Variants in MITF observed in about 807,000 individuals in gnomAD.
MITF encodes the protein microphthalmia-associated transcription factor.
Under a neutral mutation model 60.5 loss-of-function variants are expected in MITF, and 17 were observed. The ratio of observed to expected loss-of-function variants is 0.28; its 90% CI spans 0.19 to 0.42. The LOEUF (loss-of-function observed/expected upper bound fraction) is 0.42, where lower values mean the gene tolerates loss of function less well. Among genes scored for constraint, MITF ranks in the 10% least tolerant of loss-of-function variants. The pLI is 1.00. For synonymous variants in MITF, 260 were observed against 248.5 expected (o/e 1.05, Z -0.43); for missense variants, 622 against 683.5 (o/e 0.91, Z 1.00).
chr3:69,762,375 C>T (rs1187333478), intron 1 of MITF, among the ~76,000 whole-genome samples: 1 of 152,194 alleles, frequency 6.6e-6, no homozygotes, highest in East Asian at 1.9e-4. Flanking sequence ...ACTTGATTCT[C>T]ATCCATACCA....
chr3:69,905,670 G>A (rs1246729358), intron 2 of MITF, among the ~76,000 whole-genome samples: 1 of 151,676 alleles, frequency 6.6e-6, no homozygotes, highest in Non-Finnish European at 1.5e-5. Context: ...AAAATTTTTT[G>A]TTAGCTTTAT....
At chr3:69,739,796 GGACAAGGACCCA>G in intron 1 of MITF, 95 bp downstream of exon 1, 2 of 921,184 alleles carry the variant, frequency 2.2e-6, no homozygotes, top group Non-Finnish European at 3.5e-6. Flanking sequence ...GGGAGCTCTG[GGACAAGGACCCA>G]GTGCCCTTGC....
At chr3:69,938,521 G>A in intron 3 of MITF, 4 of 1,449,126 alleles carry the variant, frequency 2.8e-6, no homozygotes, top group Non-Finnish European at 3.6e-6. Flanking sequence ...AATATGCATG[G>A]ATGGATTTGA....
At chr3:69,746,110 G>C (rs1368908056) in intron 1 of MITF, among the ~76,000 whole-genome samples, 2 of 152,188 alleles carry the variant, frequency 1.3e-5, no homozygotes, top group Non-Finnish European at 2.9e-5. Context: ...TGATTAGAGG[G>C]AACACTTGAT....
At chr3:69,887,976 C>G (rs2064662716) in intron 2 of MITF, among the ~76,000 whole-genome samples, 2 of 151,888 alleles carry the variant, frequency 1.3e-5, no homozygotes, top group African/African-American at 4.8e-5. Flanking sequence ...GTGGTCTTTC[C>G]TAGAAGAAAG....
In MITF at chr3:69,959,122, T is replaced by C. The variant is rs892155187; in HGVS notation, c.1032-151T>C. On this transcript the variant is annotated intron_variant, in intron 8 of 9. Coordinates refer to ENST00000352241, the MANE Select transcript of MITF (RefSeq NM_001354604.2). ...GCAAAAATCACCACTAAAGAACTTATCCATGTAACCAAGCACCACCTGTTC... is the reference window on the plus strand; with the variant it reads ...GCAAAAATCACCACTAAAGAACTTACCCATGTAACCAAGCACCACCTGTTC... The C allele has an allele frequency of 3.4e-6, 3 of 894,896 alleles. No individual in the cohort carries two copies. In the African/African-American group the frequency reaches 5.1e-5, roughly 15 times the overall value. The allele number at this position is 894,896 out of a possible 1,614,324, so 55.4% of individuals were successfully genotyped here. A position where few individuals can be genotyped will look rare whatever the true frequency, so the allele number is the denominator to read the frequency against.
chr3:69,946,606 G>C (rs1442677352), intron 5 of MITF, among the ~76,000 whole-genome samples: 1 of 152,126 alleles, frequency 6.6e-6, no homozygotes, highest in South Asian at 2.1e-4. Context: ...CCCAAAAAAT[G>C]AGATGACCCC....
chr3:69,948,289 C>T (rs2066150117), intron 5 of MITF, among the ~76,000 whole-genome samples: 1 of 152,012 alleles, frequency 6.6e-6, no homozygotes, highest in Non-Finnish European at 1.5e-5. Flanking sequence ...CAGCTAGTTA[C>T]CAAGAAATGC....
chr3:69,830,379 C>A (rs991178329), intron 1 of MITF, among the ~76,000 whole-genome samples: 1 of 152,166 alleles, frequency 6.6e-6, no homozygotes, highest in Non-Finnish European at 1.5e-5. Context: ...CTACCACGCA[C>A]AGAGCTCATT....
intron 1 of MITF, among the ~76,000 whole-genome samples, chr3:69,767,119 G>C (rs1442532413): frequency 6.6e-6 from 1 of 152,138 alleles, no homozygotes; most frequent in Non-Finnish European, 1.5e-5. Flanking sequence ...GATATAATTA[G>C]ATTAGCAGAG....
chr3:69,914,957 G>A lies in MITF; in HGVS notation c.355-22865G>A, dbSNP rs80058325. On this transcript the variant is annotated intron_variant, in intron 2 of 9. Transcript: ENST00000352241. Reference sequence around the variant, plus strand: ...GGATTTGAATAGATATTTATTAAATGTCTGCCATGAGTAATGTATTCCACT... The same window carrying A: ...GGATTTGAATAGATATTTATTAAATATCTGCCATGAGTAATGTATTCCACT... Among the ~76,000 whole-genome samples, 151 of 152,254 alleles carry A rather than the reference G, an allele frequency of 9.9e-4. 3 individuals carry two copies. In the East Asian group the frequency reaches 0.025, roughly 25 times the overall value.
intron 1 of MITF, among the ~76,000 whole-genome samples, chr3:69,778,043 C>T (rs907637849): frequency 6.6e-6 from 1 of 151,812 alleles, no homozygotes. Context: ...TGGGGTCACT[C>T]GGGACTTGCC....
chr3:69,930,415 C>A (rs752714466), intron 2 of MITF, among the ~76,000 whole-genome samples: 1 of 152,134 alleles, frequency 6.6e-6, no homozygotes, highest in Non-Finnish European at 1.5e-5. Flanking sequence ...TTAAGAGCCT[C>A]CTTGCTGTTC....
rs532726246 is a variant in MITF at position 69,816,794 on chromosome 3, T to TTGA, written c.105-62325_105-62323dup. On this transcript the variant is annotated intron_variant, in intron 1 of 9. Coordinates refer to ENST00000352241, the MANE Select transcript of MITF (RefSeq NM_001354604.2). ...CCTTACACATATTAAGGCTCATTCA[T>TTGA]TGATGATGATGATGATGTTGATAAT... Among the ~76,000 whole-genome samples, 117 of 152,290 alleles carry TTGA rather than the reference T, an allele frequency of 7.7e-4. 3 individuals are homozygous for TTGA. In the South Asian group the frequency reaches 0.023, roughly 30 times the overall value.
At chr3:69,909,575 A>T (rs756466926) in intron 2 of MITF, among the ~76,000 whole-genome samples, 1 of 152,140 alleles carries the variant, frequency 6.6e-6, no homozygotes, top group Non-Finnish European at 1.5e-5. Flanking sequence ...TAAAATTCTG[A>T]TAGTGATATG....
At chr3:69,854,229 G>A (rs1024827392) in intron 1 of MITF, among the ~76,000 whole-genome samples, 1 of 152,094 alleles carries the variant, frequency 6.6e-6, no homozygotes, top group African/African-American at 2.4e-5. Context: ...AGTAAATCAT[G>A]TATTGTGTCC....
chr3:69,755,744 T>C (rs1160014462), intron 1 of MITF, among the ~76,000 whole-genome samples: 1 of 152,156 alleles, frequency 6.6e-6, no homozygotes. Flanking sequence ...GTTTAGTCAT[T>C]GACTAACTTG....
At chr3:69,930,477 T>C (rs13067653) in intron 2 of MITF, among the ~76,000 whole-genome samples, 10,422 of 152,276 alleles carry the variant, frequency 0.068, 441 homozygotes, top group South Asian at 0.12. Context: ...TTGGCTGGAA[T>C]GCCGTTCCTG....
intron 2 of MITF, 79 bp from the exon 3 acceptor site, chr3:69,937,743 T>G: frequency 8.3e-7 from 1 of 1,199,110 alleles, no homozygotes; most frequent in Middle Eastern, 1.9e-4. Flanking sequence ...GTCAGTTTCA[T>G]GTTTGTGCCT....
Sources: gnomAD v4.1 joint callset for allele counts (sites outside exome capture counted in the v4.1 genomes callset) on GRCh38, gnomAD v4.1.1 for gene constraint, MANE v1.5 for transcripts, NCBI Gene and HGNC (gene_info 2026-07-23, HGNC 2026-07-21) for gene names.